The following SNTB1 variants were observed in gnomAD, a reference collection of about 807,000 sequenced individuals.
SNTB1 encodes beta-1-syntrophin.
In SNTB1, 36 loss-of-function variants were observed where a neutral mutation model predicts 48.9. The observed-to-expected ratio is 0.74, with a 90% CI of 0.56 to 0.97. The LOEUF (loss-of-function observed/expected upper bound fraction) is 0.97, where lower values mean the gene tolerates loss of function less well. SNTB1 is among the 50% of genes least tolerant of loss of function. The pLI is 0.00. For synonymous variants in SNTB1, 299 were observed against 294.6 expected, an observed-to-expected ratio of 1.01 and a Z score of -0.15; for missense variants, 786 against 703.4, an observed-to-expected ratio of 1.12 and a Z score of -1.33.
intron 3 of SNTB1, among the ~76,000 whole-genome samples, chr8:120,580,636 C>T (rs749185963): frequency 4.6e-5 from 7 of 152,152 alleles, no homozygotes; most frequent in Non-Finnish European, 8.8e-5. Context: ...GTGTTTATCT[C>T]GACAACTTTT....
rs1435656808 is a variant in SNTB1, at chr8:120,661,843, C to A, written c.789-29192G>T. 4.6e-5 allele frequency among the ~76,000 whole-genome samples: 7 copies of A among 152,160 alleles called. 1 individual carries two copies. Among genetic ancestry groups the A allele is most frequent in the Non-Finnish European group, 8.8e-5 (6 of 68,030 alleles). On this transcript the variant is annotated intron_variant, in intron 2 of 6. Transcript: ENST00000517992. ...GACATGAACTCATTCTTTTTTATGG[C>A]TGCGAGTCCAGATTTCTTAACAACT...
chr8:120,548,881 C>G lies in SNTB1; in HGVS notation c.1214G>C (p.Arg405Thr). The part of the protein sequence containing the change: ...DLSFATRTGT[R>T]QGIETHLFRA... ...GAAGAGATGTGTTTCAATCCCTTGC[C>G]TGGTACCAGTTCGCGTTGCAAAGGA... The change falls in exon 5 of 7, where the codon AGG becomes ACG. Residue 405 changes from arginine (R) to threonine (T), a missense_variant. Arg to Thr is a moderately conservative substitution (Grantham distance 71). Coordinates refer to ENST00000517992, the MANE Select transcript of SNTB1 (RefSeq NM_021021.4). 7 of 1,613,906 alleles carry G rather than the reference C, an allele frequency of 4.3e-6. No homozygotes were observed. The highest frequency in any genetic ancestry group is 5.9e-6 in the Non-Finnish European group (7 of 1,179,898).
intron 2 of SNTB1, among the ~76,000 whole-genome samples, chr8:120,680,089 T>A (rs1817904688): frequency 6.6e-6 from 1 of 152,216 alleles, no homozygotes. Flanking sequence ...TACTTTATTA[T>A]TCAAGTCTAA....
intron 2 of SNTB1, among the ~76,000 whole-genome samples, chr8:120,676,634 C>T (rs1277057531): frequency 1.3e-5 from 2 of 152,104 alleles, no homozygotes; most frequent in African/African-American, 4.8e-5. Flanking sequence ...CTGAAAAAAG[C>T]TCAAAATGGT....
chr8:120,708,747 T>A (rs2129911551), intron 1 of SNTB1, among the ~76,000 whole-genome samples: 1 of 152,322 alleles, frequency 6.6e-6, no homozygotes, highest in Non-Finnish European at 1.5e-5. Context: ...ATTTTATATT[T>A]TATAAACTTT....
rs1223734491 is a variant in SNTB1, at chr8:120,535,910, G to T, written c.*2967C>A. The T allele has an allele frequency of 6.6e-6, 1 of 152,118 alleles. No individual in the cohort carries two copies. Among genetic ancestry groups the T allele is most frequent in the African/African-American group, 2.4e-5 (1 of 41,436 alleles). The allele number at this position is 152,118 out of a possible 1,614,324, so 9.4% of individuals were successfully genotyped here. A position where few individuals can be genotyped will look rare whatever the true frequency, so the allele number is the denominator to read the frequency against. Reference sequence around the variant, plus strand: ...CCCCTCAAGACGGAATATCTAACGTGTTTGGAAAACAGGGTCCAGAAAGGC... The same window carrying T: ...CCCCTCAAGACGGAATATCTAACGTTTTTGGAAAACAGGGTCCAGAAAGGC... On this transcript the variant is annotated 3_prime_UTR_variant, in exon 7 of 7. Transcript: ENST00000517992.
chr8:120,730,610 G>C (rs1451728690), intron 1 of SNTB1, among the ~76,000 whole-genome samples: 1 of 152,160 alleles, frequency 6.6e-6, no homozygotes, highest in African/African-American at 2.4e-5. Flanking sequence ...TCTTCAAAAT[G>C]ATTTAAACAT....
intron 1 of SNTB1, among the ~76,000 whole-genome samples, chr8:120,705,140 C>T (rs574193934): frequency 1.6e-4 from 24 of 152,310 alleles, no homozygotes; most frequent in African/African-American, 5.5e-4. Context: ...TTAAACCATA[C>T]ATTAAATGAC....
At chr8:120,679,350 C>T (rs1421710679) in intron 2 of SNTB1, among the ~76,000 whole-genome samples, 12 of 152,138 alleles carry the variant, frequency 7.9e-5, no homozygotes, top group Admixed American at 7.2e-4. Flanking sequence ...AAAATGCAGT[C>T]GTACTCTAAG....
In SNTB1 at chr8:120,643,967, G is replaced by C. The variant is rs1349621885; in HGVS notation, c.789-11316C>G. Among the ~76,000 whole-genome samples, 6 of 152,164 alleles carry C rather than the reference G, an allele frequency of 3.9e-5. No homozygotes were observed. The South Asian group carries it at 1.2e-3, about 32-fold the overall frequency. On this transcript the variant is annotated intron_variant, in intron 2 of 6. Coordinates refer to ENST00000517992, the MANE Select transcript of SNTB1 (RefSeq NM_021021.4). Reference sequence around the variant, plus strand: ...ACACATTCAAGAAAATGAGAATTAGGCTCCACTAGGATACAAGGAAGAGTA... The same window carrying C: ...ACACATTCAAGAAAATGAGAATTAGCCTCCACTAGGATACAAGGAAGAGTA...
chr8:120,787,143 C>T (rs1346655713), intron 1 of SNTB1, among the ~76,000 whole-genome samples: 3 of 151,956 alleles, frequency 2.0e-5, no homozygotes, highest in Admixed American at 2.0e-4. Context: ...ATGGAAAATA[C>T]CCAGAGCTGA....
chr8:120,717,986 G>A (rs1818590434), intron 1 of SNTB1, among the ~76,000 whole-genome samples: 1 of 152,180 alleles, frequency 6.6e-6, no homozygotes, highest in Non-Finnish European at 1.5e-5. Context: ...ACCAGGCTAG[G>A]GAGGCCTTTG....
intron 4 of SNTB1, among the ~76,000 whole-genome samples, chr8:120,563,881 G>A (rs1005607810): frequency 6.6e-6 from 1 of 152,024 alleles, no homozygotes; most frequent in African/African-American, 2.4e-5. Context: ...AGGCCAAGGC[G>A]AGTGGATCAT....
In SNTB1 at chr8:120,811,777, T is replaced by C; in HGVS notation, c.67A>G (p.Ser23Gly). ...AGAGGGRAQR[S>G]GLLEVLVRDR... Reference sequence around the variant, plus strand: ...CGCACCAAAACTTCCAGCAGCCCGCTCCGCTGCGCCCGGCCGCCTCCCGCG... The same window carrying C: ...CGCACCAAAACTTCCAGCAGCCCGCCCCGCTGCGCCCGGCCGCCTCCCGCG... The change falls in exon 1 of 7, where the codon AGC becomes GGC. Residue 23 changes from serine to glycine, a missense_variant. Coordinates refer to ENST00000517992, the MANE Select transcript of SNTB1 (RefSeq NM_021021.4). 6.7e-7 allele frequency: 1 copy of C among 1,496,164 alleles called. No homozygotes were observed. Among genetic ancestry groups the C allele is most frequent in the Non-Finnish European group, 8.9e-7 (1 of 1,125,104 alleles). The allele number at this position is 1,496,164 out of a possible 1,614,324, so 92.7% of individuals were successfully genotyped here. A position where few individuals can be genotyped will look rare whatever the true frequency, so the allele number is the denominator to read the frequency against.
intron 1 of SNTB1, among the ~76,000 whole-genome samples, chr8:120,765,315 T>C (rs1371320362): frequency 6.6e-6 from 1 of 152,190 alleles, no homozygotes; most frequent in East Asian, 1.9e-4. Context: ...AAGAGATAAG[T>C]AGAATTTGTG....
chr8:120,749,641 G>A (rs1416199914), intron 1 of SNTB1, among the ~76,000 whole-genome samples: 2 of 152,074 alleles, frequency 1.3e-5, no homozygotes, highest in African/African-American at 4.8e-5. Context: ...ATGAACAACT[G>A]TTGATAAAGG....
At chr8:120,726,911 A>G (rs929178980) in intron 1 of SNTB1, among the ~76,000 whole-genome samples, 1 of 152,212 alleles carries the variant, frequency 6.6e-6, no homozygotes, top group African/African-American at 2.4e-5. Context: ...TCTAATAGTC[A>G]ATCTGCAGTG....
chr8:120,809,440 T>G lies in SNTB1; in HGVS notation c.571+1833A>C, dbSNP rs546056004. ...GTTTCAAGAAAGTCACATAACTGCTTGATTTTTTTTCTTTCTCTAAGTTTA... is the reference window on the plus strand; with the variant it reads ...GTTTCAAGAAAGTCACATAACTGCTGGATTTTTTTTCTTTCTCTAAGTTTA... On this transcript the variant is annotated intron_variant, in intron 1 of 6. Transcript: ENST00000517992. Among the ~76,000 whole-genome samples, 23 of 151,904 alleles carry G rather than the reference T, an allele frequency of 1.5e-4. 1 individual carries two copies. In the South Asian group the frequency reaches 4.8e-3, roughly 31 times the overall value.
intron 2 of SNTB1, among the ~76,000 whole-genome samples, chr8:120,646,597 G>C (rs912269633): frequency 1.3e-5 from 2 of 151,874 alleles, no homozygotes; most frequent in Non-Finnish European, 2.9e-5. Flanking sequence ...TTGCATTAAT[G>C]TTCATCAAGG....
Sources: allele counts gnomAD v4.1 joint callset (sites outside exome capture counted in the v4.1 genomes callset), GRCh38; gene constraint gnomAD v4.1.1; transcripts MANE v1.5; gene names NCBI Gene and HGNC (gene_info 2026-07-23, HGNC 2026-07-21).